PUDP: variants seen among roughly 807,000 people sequenced by gnomAD.
PUDP encodes pseudouridine 5'-phosphatase, also known as pseudouridine-5'-phosphatase.
Under a neutral mutation model 9.4 loss-of-function variants are expected in PUDP, and 8 were observed. The ratio of observed to expected loss-of-function variants is 0.85; its 90% CI spans 0.50 to 1.53. The LOEUF (loss-of-function observed/expected upper bound fraction) is 1.53, where lower values mean the gene tolerates loss of function less well. Among genes scored for constraint, PUDP ranks in the 40% most tolerant of loss-of-function variants. The probability of loss-of-function intolerance (pLI) is 0.00; values close to 1 mark genes in which losing one functional copy is unlikely to be tolerated. For synonymous variants in PUDP, 99 were observed against 80.7 expected, an observed-to-expected ratio of 1.23 and a Z score of -1.22; for missense variants, 188 against 189.7, an observed-to-expected ratio of 0.99 and a Z score of 0.05.
At chrX:6,789,249 G>A (rs1447828872) in intron 3 of PUDP, among the ~76,000 whole-genome samples, 2 of 109,108 alleles carry the variant, frequency 1.8e-5, no homozygotes, top group Non-Finnish European at 3.8e-5. Context: ...GACATTGCAC[G>A]ACTGCACTCC....
At chrX:6,858,538 G>A (rs944526869) in intron 3 of PUDP, among the ~76,000 whole-genome samples, 1 of 110,134 alleles carries the variant, frequency 9.1e-6, no homozygotes, top group Non-Finnish European at 1.9e-5. Context: ...ATTATGTTGT[G>A]AAGGCTGGTC....
intron 3 of PUDP, among the ~76,000 whole-genome samples, chrX:7,058,701 ATGAAACTTT>A (rs1930315640): frequency 8.9e-6 from 1 of 112,607 alleles, no homozygotes; most frequent in African/African-American, 3.2e-5. Context: ...TTGTTTAAAC[ATGAAACTTT>A]TAAGTACTGC....
At chrX:6,820,090 G>T (rs949863838) in intron 3 of PUDP, among the ~76,000 whole-genome samples, 1 of 108,791 alleles carries the variant, frequency 9.2e-6, no homozygotes, top group Admixed American at 9.9e-5. Context: ...CATGGCAGGA[G>T]GCAAAAGGCA....
At chrX:6,946,819 A>G (rs926591058) in intron 3 of PUDP, among the ~76,000 whole-genome samples, 22 of 112,233 alleles carry the variant, frequency 2.0e-4, no homozygotes, top group Non-Finnish European at 3.9e-4. Flanking sequence ...ACAAACATAT[A>G]TGAAACATGA....
At chrX:6,951,703 G>A (rs1928562181) in intron 3 of PUDP, among the ~76,000 whole-genome samples, 1 of 112,104 alleles carries the variant, frequency 8.9e-6, no homozygotes, top group African/African-American at 3.2e-5. Flanking sequence ...GCTGCAAACC[G>A]CTACTGTGCA....
At chrX:6,721,063 T>C (rs959716984) in intron 1 of PUDP, among the ~76,000 whole-genome samples, 1 of 112,204 alleles carries the variant, frequency 8.9e-6, no homozygotes, top group Admixed American at 9.5e-5. Flanking sequence ...ATTTACTTTC[T>C]TTATTTAATT....
chrX:6,790,772 T>C (rs1453512582), intron 3 of PUDP, among the ~76,000 whole-genome samples: 1 of 112,173 alleles, frequency 8.9e-6, no homozygotes, highest in Non-Finnish European at 1.9e-5. Context: ...GGCACAATGA[T>C]TGACTAAGAG....
intron 3 of PUDP, among the ~76,000 whole-genome samples, chrX:7,072,813 C>CAAA (rs774767127): frequency 7.3e-4 from 24 of 32,964 alleles, no homozygotes; most frequent in African/African-American, 1.1e-3. Flanking sequence ...GACTGTGTCT[C>CAAA]AAAAAAAAAA....
chrX:6,879,866 G>A (rs185795749), intron 3 of PUDP, among the ~76,000 whole-genome samples: 208 of 110,995 alleles, frequency 1.9e-3, no homozygotes, highest in African/African-American at 6.2e-3. Flanking sequence ...CATGGGACCC[G>A]CTGGGCTAAA....
At chrX:6,882,633 C>T (rs58256455) in intron 3 of PUDP, among the ~76,000 whole-genome samples, 12,580 of 110,718 alleles carry the variant, frequency 0.11, 765 homozygotes, top group East Asian at 0.46. Context: ...TAGTCATGAG[C>T]GGTGGTTAAG....
At chrX:7,113,912 A>G (rs1025301065) in intron 1 of PUDP, among the ~76,000 whole-genome samples, 1 of 111,237 alleles carries the variant, frequency 9.0e-6, no homozygotes, top group Non-Finnish European at 1.9e-5. Context: ...TTCATTTCTT[A>G]CAGTTATGGG....
chrX:7,104,928 G>A (rs1931836637), intron 2 of PUDP, among the ~76,000 whole-genome samples: 1 of 111,711 alleles, frequency 9.0e-6, no homozygotes, highest in Admixed American at 9.5e-5. Flanking sequence ...CCTAGCACCA[G>A]GAATTCTAAA....
At chrX:6,864,860 C>CA (rs1927055141) in intron 3 of PUDP, among the ~76,000 whole-genome samples, 3 of 111,981 alleles carry the variant, frequency 2.7e-5, no homozygotes, top group Non-Finnish European at 5.6e-5. Flanking sequence ...TCCAGTTAAT[C>CA]TCCCCAGTTT....
intron 2 of PUDP, among the ~76,000 whole-genome samples, chrX:7,077,974 G>A (rs113501126): frequency 4.4e-5 from 5 of 112,606 alleles, no homozygotes; most frequent in African/African-American, 6.4e-5. Flanking sequence ...ACACAAAGGC[G>A]TCCACCAGAT....
chrX:6,970,634 C>T (rs1033912591), intron 3 of PUDP, among the ~76,000 whole-genome samples: 2 of 111,857 alleles, frequency 1.8e-5, no homozygotes, highest in African/African-American at 6.5e-5. Flanking sequence ...GATTGCTCTC[C>T]AGGTGGCTCC....
At chrX:7,064,181 A>G (rs1455029749) in intron 3 of PUDP, among the ~76,000 whole-genome samples, 1 of 111,692 alleles carries the variant, frequency 9.0e-6, no homozygotes, top group Non-Finnish European at 1.9e-5. Context: ...ACAGAACGTG[A>G]ACAGAAGGCT....
chrX:6,941,724 TA>T (rs1185648497), intron 3 of PUDP, among the ~76,000 whole-genome samples: 2 of 111,346 alleles, frequency 1.8e-5, no homozygotes, highest in Non-Finnish European at 3.8e-5. Context: ...AATAACAAAG[TA>T]AAAATGCTGT....
intron 1 of PUDP, among the ~76,000 whole-genome samples, chrX:7,037,272 G>A (rs1175642823): frequency 9.0e-6 from 1 of 111,692 alleles, no homozygotes; most frequent in Non-Finnish European, 1.9e-5. Flanking sequence ...GGCTCACAAG[G>A]AGGCTGTGCA....
Position 6,749,192 on chromosome X carries a change from C to G in PUDP, c.*248-42726G>C, listed in dbSNP as rs73457848. Among the ~76,000 whole-genome samples the G allele has an allele frequency of 7.4e-3, 823 of 111,902 alleles. 8 individuals carry two copies. The highest frequency in any genetic ancestry group is 0.025 in the African/African-American group (766 of 30,823). ...TGAAAGTGAGGGGTGAAGTGGAGGA[C>G]TTGAGACGAATTGGAGTATGTTGGC... On this transcript the variant is annotated intron_variant and NMD_transcript_variant, in intron 3 of 3. Transcript: ENST00000655425.
Sources: gnomAD v4.1 joint callset for allele counts (sites outside exome capture counted in the v4.1 genomes callset) on GRCh38, gnomAD v4.1.1 for gene constraint, MANE v1.5 for transcripts, NCBI Gene and HGNC (gene_info 2026-07-23, HGNC 2026-07-21) for gene names.